The following LIN28B variants were observed in gnomAD, a reference collection of about 807,000 sequenced individuals.
LIN28B encodes lin-28 RNA binding posttranscriptional regulator B, also known as protein lin-28 homolog B.
Under a neutral mutation model 21.9 loss-of-function variants are expected in LIN28B, and 5 were observed. That is an observed-to-expected ratio of 0.23 (90% CI 0.12 to 0.48). LIN28B has a LOEUF of 0.48. Among genes scored for constraint, LIN28B ranks in the 20% least tolerant of loss-of-function variants. The probability of loss-of-function intolerance (pLI) is 0.98; values close to 1 mark genes in which losing one functional copy is unlikely to be tolerated. For synonymous variants in LIN28B, 109 were observed against 111.3 expected, an observed-to-expected ratio of 0.98 and a Z score of 0.13; for missense variants, 245 against 310.5, an observed-to-expected ratio of 0.79 and a Z score of 1.58.
chr6:105,071,468 CATT>C (rs1772332126), intron 3 of LIN28B, among the ~76,000 whole-genome samples: 1 of 152,012 alleles, frequency 6.6e-6, no homozygotes, highest in African/African-American at 2.4e-5. Context: ...TTATTGTTAG[CATT>C]ATTATTATAA....
At chr6:105,069,873 A>G (rs1444763003) in intron 3 of LIN28B, among the ~76,000 whole-genome samples, 2 of 152,152 alleles carry the variant, frequency 1.3e-5, no homozygotes, top group Admixed American at 1.3e-4. Context: ...CTTTTCTGCC[A>G]TCACAACCAG....
chr6:104,960,951 A>G (rs1769727635), intron 2 of LIN28B, among the ~76,000 whole-genome samples: 1 of 152,168 alleles, frequency 6.6e-6, no homozygotes, highest in South Asian at 2.1e-4. Flanking sequence ...AAAGAAACAC[A>G]TGCCTAGGTG....
intron 2 of LIN28B, among the ~76,000 whole-genome samples, chr6:105,013,623 G>A (rs1016695306): frequency 6.6e-6 from 1 of 151,446 alleles, no homozygotes; most frequent in Non-Finnish European, 1.5e-5. Context: ...CCAGCTACTC[G>A]AGAGATTGAG....
intron 2 of LIN28B, among the ~76,000 whole-genome samples, chr6:105,002,166 A>ATT (rs751548299): frequency 2.8e-3 from 272 of 95,956 alleles, no homozygotes; most frequent in African/African-American, 9.0e-3. Context: ...ATTCTCTGGT[A>ATT]TTTTTTTTTT....
chr6:104,992,036 CTT>C (rs1321477260), intron 2 of LIN28B, among the ~76,000 whole-genome samples: 1 of 151,004 alleles, frequency 6.6e-6, no homozygotes, highest in Non-Finnish European at 1.5e-5. Context: ...GAATTTTAGT[CTT>C]TTAATTGGAG....
chr6:105,074,462 T>C lies in LIN28B; in HGVS notation c.384-3952T>C, dbSNP rs560100176. ...ATCTGCCCACCTCGGCCTCCCAAAG[T>C]GCTGGGATTACAGGCGTGAGCCACC... On this transcript the variant is annotated intron_variant, in intron 3 of 3. Transcript: ENST00000345080. Among the ~76,000 whole-genome samples the C allele has an allele frequency of 1.7e-3, 261 of 152,224 alleles. 1 individual carries two copies. Among genetic ancestry groups the C allele is most frequent in the African/African-American group, 5.5e-3 (230 of 41,570 alleles).
intron 2 of LIN28B, among the ~76,000 whole-genome samples, chr6:104,938,556 G>A (rs193235627): frequency 5.3e-5 from 8 of 151,686 alleles, no homozygotes; most frequent in African/African-American, 1.5e-4. Flanking sequence ...CGAGAATCCC[G>A]TGAACCCAGA....
chr6:105,043,504 C>T (rs1376742039), intron 3 of LIN28B, among the ~76,000 whole-genome samples: 1 of 151,224 alleles, frequency 6.6e-6, no homozygotes, highest in Non-Finnish European at 1.5e-5. Context: ...ATCTTTTCCT[C>T]CTTTTATTTT....
At chr6:104,991,820 G>A (rs1582883126) in intron 2 of LIN28B, among the ~76,000 whole-genome samples, 2 of 152,170 alleles carry the variant, frequency 1.3e-5, no homozygotes, top group Non-Finnish European at 2.9e-5. Flanking sequence ...AGACCAGCCC[G>A]GCCAACACAG....
intron 3 of LIN28B, among the ~76,000 whole-genome samples, chr6:105,043,374 A>G (rs1265968356): frequency 8.5e-6 from 1 of 117,190 alleles, no homozygotes; most frequent in Non-Finnish European, 1.8e-5. Context: ...AAAAAAAAAG[A>G]AAACTAAAAC....
At chr6:105,066,746 A>G (rs975611169) in intron 3 of LIN28B, among the ~76,000 whole-genome samples, 1 of 152,226 alleles carries the variant, frequency 6.6e-6, no homozygotes, top group South Asian at 2.1e-4. Context: ...TCAGGTAATC[A>G]TGATGGAATT....
intron 2 of LIN28B, among the ~76,000 whole-genome samples, chr6:104,967,576 CAAAAAA>C (rs71003462): frequency 1.6e-5 from 1 of 60,736 alleles, no homozygotes; most frequent in African/African-American, 7.3e-5. Context: ...AACTCCCTCT[CAAAAAA>C]AAAAAAAAAA....
At chr6:104,973,538 C>G (rs757409001) in intron 2 of LIN28B, among the ~76,000 whole-genome samples, 10 of 152,258 alleles carry the variant, frequency 6.6e-5, no homozygotes, top group Admixed American at 2.6e-4. Flanking sequence ...CCTCCTCCCC[C>G]CACTCCCCTT....
intron 1 of LIN28B, 69 bp from the exon 2 acceptor site, chr6:104,958,030 T>G: frequency 8.3e-7 from 1 of 1,209,828 alleles, no homozygotes. Context: ...AGGCAATTTT[T>G]TTTTTTTAAT....
intron 3 of LIN28B, among the ~76,000 whole-genome samples, chr6:105,076,486 T>G (rs2114424008): frequency 6.6e-6 from 1 of 152,348 alleles, no homozygotes; most frequent in Admixed American, 6.5e-5. Flanking sequence ...TAGTAGTTTG[T>G]CTATGAAATA....
intron 2 of LIN28B, chr6:104,950,374 T>G: frequency 1.4e-6 from 1 of 710,760 alleles, no homozygotes; most frequent in Non-Finnish European, 2.0e-6. Context: ...CCTGGGCATT[T>G]TATTGCTTTC....
intron 3 of LIN28B, among the ~76,000 whole-genome samples, chr6:105,053,409 G>GTGTA (rs1771951667): frequency 6.7e-6 from 1 of 148,406 alleles, no homozygotes; most frequent in South Asian, 2.1e-4. Context: ...GTGTGTGTGT[G>GTGTA]TGTGCACGTG....
intron 2 of LIN28B, among the ~76,000 whole-genome samples, chr6:104,975,547 A>G (rs1254516385): frequency 1.3e-5 from 2 of 152,210 alleles, no homozygotes; most frequent in African/African-American, 4.8e-5. Context: ...CTGTTCAACT[A>G]TAGACAGTAT....
chr6:105,049,702 T>A (rs1365149301), intron 3 of LIN28B, among the ~76,000 whole-genome samples: 1 of 152,120 alleles, frequency 6.6e-6, no homozygotes, highest in African/African-American at 2.4e-5. Context: ...TGGGTGCATA[T>A]ATATTTAGGA....
Sources: allele counts gnomAD v4.1 joint callset (sites outside exome capture counted in the v4.1 genomes callset), GRCh38; gene constraint gnomAD v4.1.1; transcripts MANE v1.5; gene names NCBI Gene and HGNC (gene_info 2026-07-23, HGNC 2026-07-21).